The following TMCO5A variants were observed in gnomAD, a reference collection of about 807,000 sequenced individuals.
The protein encoded by TMCO5A is transmembrane and coiled-coil domains 5A.
Under a neutral mutation model 42.3 loss-of-function variants are expected in TMCO5A, and 34 were observed. The ratio of observed to expected loss-of-function variants is 0.80; its 90% CI spans 0.61 to 1.07. TMCO5A has a LOEUF of 1.07. TMCO5A is among the 50% of genes least tolerant of loss of function. TMCO5A has a pLI of 0.00. For synonymous variants in TMCO5A, 131 were observed against 115.6 expected (o/e 1.13, Z -0.86); for missense variants, 357 against 327.9 (o/e 1.09, Z -0.69).
At chr15:38,033,752 T>C in the TMCO5A span, among the ~76,000 whole-genome samples, 10 of 152,092 alleles carry the variant, frequency 6.6e-5, no homozygotes, top group Non-Finnish European at 1.5e-4. Context: ...TAGCTGGGAT[T>C]ACAGGTGTGC....
the TMCO5A span, among the ~76,000 whole-genome samples, chr15:37,976,204 C>T: frequency 6.6e-6 from 1 of 151,358 alleles, no homozygotes; most frequent in Admixed American, 6.6e-5. Context: ...GAGATTGTAC[C>T]ACCGCACTCC....
At chr15:37,935,169 C>A (rs533338878) in intron 1 of TMCO5A, 88 bp from the exon 2 acceptor site, 1 of 152,154 alleles carries the variant, frequency 6.6e-6, no homozygotes, top group South Asian at 2.1e-4. Context: ...AATTTGATTT[C>A]TACTTTTTGG....
the TMCO5A span, among the ~76,000 whole-genome samples, chr15:38,020,817 A>T: frequency 6.6e-6 from 1 of 152,178 alleles, no homozygotes; most frequent in African/African-American, 2.4e-5. Context: ...TAAATTCTGA[A>T]GAAACAAAAA....
the TMCO5A span, among the ~76,000 whole-genome samples, chr15:37,978,377 G>C: frequency 9.1e-3 from 1,391 of 152,342 alleles, 12 homozygotes; most frequent in Non-Finnish European, 0.015. Flanking sequence ...CGGTCCTAGG[G>C]AAACACAGAG....
the TMCO5A span, among the ~76,000 whole-genome samples, chr15:38,030,625 A>T: frequency 6.6e-6 from 1 of 152,184 alleles, no homozygotes; most frequent in African/African-American, 2.4e-5. Flanking sequence ...TAGCAAGAAT[A>T]AAGGGCTCGA....
the TMCO5A span, among the ~76,000 whole-genome samples, chr15:37,996,229 G>T: frequency 2.3e-4 from 35 of 152,152 alleles, no homozygotes. Context: ...CGCCTTAGAG[G>T]GAGCTGAGTG....
chr15:37,969,536 C>T (rs1328284815), downstream of TMCO5A, among the ~76,000 whole-genome samples: 1 of 152,122 alleles, frequency 6.6e-6, no homozygotes, highest in Non-Finnish European at 1.5e-5. Context: ...TAAAGTTCTG[C>T]TTTTTGTGTA....
chr15:37,941,790 C>T, intron 8 of TMCO5A, 60 bp downstream of exon 8: 1 of 1,412,872 alleles, frequency 7.1e-7, no homozygotes, highest in South Asian at 1.2e-5. Context: ...TGAAATAGAA[C>T]AAGGATTTTC....
At chr15:37,990,122 G>GTA in the TMCO5A span, among the ~76,000 whole-genome samples, 1 of 152,072 alleles carries the variant, frequency 6.6e-6, no homozygotes, top group African/African-American at 2.4e-5. Context: ...AAAGTGTTCT[G>GTA]TATATGTCTG....
chr15:37,973,213 A>C, the TMCO5A span, among the ~76,000 whole-genome samples: 1 of 147,092 alleles, frequency 6.8e-6, no homozygotes, highest in Admixed American at 6.7e-5. Context: ...GTATAGTTTG[A>C]AGTCAGGTAA....
chr15:37,976,786 CTTCTTT>C, the TMCO5A span, among the ~76,000 whole-genome samples: 1 of 139,074 alleles, frequency 7.2e-6, no homozygotes, highest in Non-Finnish European at 1.5e-5. Flanking sequence ...CTTTCTTTTT[CTTCTTT>C]CTTTTTTTTT....
the TMCO5A span, among the ~76,000 whole-genome samples, chr15:38,004,072 G>C: frequency 3.7e-4 from 56 of 152,028 alleles, no homozygotes; most frequent in Non-Finnish European, 7.2e-4. Context: ...ATACTGCTTG[G>C]TTGCTACTGC....
At chr15:37,981,200 CAAAAAA>C in the TMCO5A span, among the ~76,000 whole-genome samples, 1 of 65,346 alleles carries the variant, frequency 1.5e-5, no homozygotes, top group African/African-American at 5.6e-5. Context: ...AGAAAGCCAG[CAAAAAA>C]AAAAAAAAAA....
At chr15:38,015,128 G>T in the TMCO5A span, among the ~76,000 whole-genome samples, 1 of 151,654 alleles carries the variant, frequency 6.6e-6, no homozygotes, top group African/African-American at 2.4e-5. Context: ...ATTCAATTGT[G>T]TCCACCAGAT....
the TMCO5A span, among the ~76,000 whole-genome samples, chr15:38,014,952 G>C: frequency 7.0e-6 from 1 of 142,482 alleles, no homozygotes; most frequent in African/African-American, 2.6e-5. Context: ...TAGGCCATCT[G>C]CAAGCTGAGG....
the TMCO5A span, among the ~76,000 whole-genome samples, chr15:38,014,798 A>AAG: frequency 1.4e-5 from 2 of 145,820 alleles, no homozygotes; most frequent in Admixed American, 1.4e-4. Flanking sequence ...CCTAAAGGAA[A>AAG]AGACACTGTA....
the TMCO5A span, among the ~76,000 whole-genome samples, chr15:38,024,384 A>T: frequency 2.6e-5 from 4 of 152,212 alleles, no homozygotes; most frequent in Non-Finnish European, 4.4e-5. Flanking sequence ...CATGCAAAAA[A>T]CAAGAGTTGA....
chr15:37,945,718 G>A (rs544634971), intron 10 of TMCO5A, among the ~76,000 whole-genome samples: 1 of 151,776 alleles, frequency 6.6e-6, no homozygotes, highest in African/African-American at 2.4e-5. Context: ...TTTTAGTGAG[G>A]TTGTTTTTTT....
At chr15:37,960,663 C>G (rs28765994) in intron 11 of TMCO5A, among the ~76,000 whole-genome samples, 1 of 152,066 alleles carries the variant, frequency 6.6e-6, no homozygotes, top group African/African-American at 2.4e-5. Flanking sequence ...TAGAAGTGTT[C>G]CCTCTTCACC....
Sources: allele counts gnomAD v4.1 joint callset (sites outside exome capture counted in the v4.1 genomes callset), GRCh38; gene constraint gnomAD v4.1.1; transcripts MANE v1.5; gene names NCBI Gene and HGNC (gene_info 2026-07-23, HGNC 2026-07-21).